Variants in DOCK2 observed in about 807,000 individuals in gnomAD.
DOCK2 encodes dedicator of cytokinesis protein 2.
DOCK2 carries 87 observed loss-of-function variants against 248.9 expected under a neutral mutation model. The observed-to-expected ratio is 0.35, with a 90% CI of 0.29 to 0.42. The LOEUF (loss-of-function observed/expected upper bound fraction) is 0.42. Ranked by LOEUF, DOCK2 falls within the 10% of genes least tolerant of loss-of-function variation. The probability of loss-of-function intolerance (pLI) is 1.00; values close to 1 mark genes in which losing one functional copy is unlikely to be tolerated. For missense variants in DOCK2, 1,747 were observed against 2,300.2 expected, an observed-to-expected ratio of 0.76 and a Z score of 4.92; for synonymous variants, 805 against 821.6, an observed-to-expected ratio of 0.98 and a Z score of 0.35.
intron 8 of DOCK2, among the ~76,000 whole-genome samples, chr5:169,687,157 G>A (rs917201612): frequency 9.2e-5 from 14 of 151,972 alleles, no homozygotes; most frequent in Admixed American, 7.2e-4. Context: ...TATGATGGAA[G>A]GTACTGGAAT....
At chr5:169,888,813 T>C (rs913156246) in intron 27 of DOCK2, among the ~76,000 whole-genome samples, 1 of 152,234 alleles carries the variant, frequency 6.6e-6, no homozygotes, top group Non-Finnish European at 1.5e-5. Context: ...AGAACCCAGC[T>C]GGTAGCCATG....
At chr5:169,914,136 G>T (rs902688405) in intron 27 of DOCK2, among the ~76,000 whole-genome samples, 21 of 152,218 alleles carry the variant, frequency 1.4e-4, no homozygotes, top group African/African-American at 5.1e-4. Context: ...TATACATCCT[G>T]AAGACAACCC....
chr5:169,864,199 G>T, intron 27 of DOCK2: 3 of 1,303,668 alleles, frequency 2.3e-6, no homozygotes, highest in South Asian at 2.5e-5. Context: ...AGCAGGGCAG[G>T]CCTTAAGTGC....
chr5:169,789,823 GA>G (rs1766216475), intron 25 of DOCK2, among the ~76,000 whole-genome samples: 1 of 152,200 alleles, frequency 6.6e-6, no homozygotes, highest in African/African-American at 2.4e-5. Flanking sequence ...TTTTAGAAAA[GA>G]AAACCAGGCC....
At chr5:169,885,099 C>T (rs1335677049) in intron 27 of DOCK2, among the ~76,000 whole-genome samples, 1 of 152,186 alleles carries the variant, frequency 6.6e-6, no homozygotes, top group African/African-American at 2.4e-5. Flanking sequence ...CTCAGGCAGC[C>T]TTTACAATGT....
intron 36 of DOCK2, among the ~76,000 whole-genome samples, chr5:170,037,310 G>A (rs888955955): frequency 6.6e-6 from 1 of 151,136 alleles, no homozygotes; most frequent in Non-Finnish European, 1.5e-5. Context: ...TTTATTCTTT[G>A]CTTTTTCTAA....
At chr5:170,040,164 A>G (rs539250047) in intron 36 of DOCK2, among the ~76,000 whole-genome samples, 9 of 152,322 alleles carry the variant, frequency 5.9e-5, no homozygotes, top group African/African-American at 2.2e-4. Flanking sequence ...GGCCCTTTAT[A>G]TGCCCAGTCA....
chr5:169,690,052 A>ATTT (rs530581976), intron 9 of DOCK2, among the ~76,000 whole-genome samples: 198 of 134,960 alleles, frequency 1.5e-3, no homozygotes, highest in African/African-American at 4.9e-3. Flanking sequence ...GAAGAGTGTG[A>ATTT]TTTTTTTTTT....
intron 2 of DOCK2, among the ~76,000 whole-genome samples, chr5:169,664,324 C>A (rs1438415036): frequency 2.0e-5 from 3 of 152,210 alleles, no homozygotes. Context: ...CAAAACCATT[C>A]AACAAGTCTC....
In DOCK2 at chr5:169,717,500, C is replaced by T. The variant is rs200849726; in HGVS notation, c.2132+16C>T. On this transcript the variant is annotated intron_variant, in intron 21 of 51. Transcript: ENST00000520908. ...TGGCTTACAAGTAAGTAATTGTGCACATGGGAACTTCTTCTCTACCACCCT... is the reference window on the plus strand; with the variant it reads ...TGGCTTACAAGTAAGTAATTGTGCATATGGGAACTTCTTCTCTACCACCCT... 9.9e-6 allele frequency: 16 copies of T among 1,610,878 alleles called. No individual in the cohort carries two copies. In the East Asian group the frequency reaches 3.6e-4, roughly 36 times the overall value.
chr5:169,669,696 A>G (rs1271637761), intron 3 of DOCK2, among the ~76,000 whole-genome samples: 1 of 152,170 alleles, frequency 6.6e-6, no homozygotes, highest in East Asian at 1.9e-4. Context: ...CCGTATACCC[A>G]GGTCAACACA....
chr5:169,646,648 T>A (rs1052789885), intron 1 of DOCK2, among the ~76,000 whole-genome samples: 1 of 152,062 alleles, frequency 6.6e-6, no homozygotes, highest in Admixed American at 6.6e-5. Context: ...GTAGCATAGG[T>A]CCCATTGAGA....
chr5:169,654,584 T>A, intron 2 of DOCK2, 98 bp downstream of exon 2: 1 of 1,247,338 alleles, frequency 8.0e-7, no homozygotes, highest in South Asian at 1.3e-5. Flanking sequence ...CCTGCAACTG[T>A]GTGGTCTATT....
chr5:169,688,272 G>A (rs1760097630), intron 8 of DOCK2, among the ~76,000 whole-genome samples: 1 of 152,246 alleles, frequency 6.6e-6, no homozygotes, highest in Admixed American at 6.5e-5. Context: ...CCTGCCTCGT[G>A]GCCTTTACTC....
At chr5:169,670,500 C>T (rs1407436861) in intron 3 of DOCK2, 42 bp from the exon 4 acceptor site, 1 of 1,575,386 alleles carries the variant, frequency 6.3e-7, no homozygotes, top group African/African-American at 1.5e-5. Flanking sequence ...GGTGATATAT[C>T]TTTTTATTTT....
At position 169,651,489 on chromosome 5, in the gene DOCK2, G is replaced by A. The variant is rs138952522; in HGVS notation, c.44-2914G>A. 2.9e-3 allele frequency among the ~76,000 whole-genome samples: 444 copies of A among 152,250 alleles called. 1 individual carries two copies. The highest frequency in any genetic ancestry group is 0.01 in the African/African-American group (426 of 41,536). ...AGGAGCTGGTCACGGAGTAACACAC[G>A]GTCCTGCCCCACCTCCACATATCTG... On this transcript the variant is annotated intron_variant, in intron 1 of 51. Coordinates refer to ENST00000520908, the MANE Select transcript of DOCK2 (RefSeq NM_004946.3).
intron 34 of DOCK2, among the ~76,000 whole-genome samples, chr5:170,030,650 T>C (rs951770206): frequency 6.6e-6 from 1 of 152,208 alleles, no homozygotes; most frequent in Non-Finnish European, 1.5e-5. Context: ...TTGAGTGTCA[T>C]GTTAGTGCTC....
At chr5:169,917,777 CCA>C (rs1473192898) in intron 27 of DOCK2, among the ~76,000 whole-genome samples, 3 of 152,104 alleles carry the variant, frequency 2.0e-5, no homozygotes, top group Non-Finnish European at 2.9e-5. Context: ...TCTGGCCCTA[CCA>C]CACAGAAAAT....
intron 26 of DOCK2, among the ~76,000 whole-genome samples, chr5:169,804,526 T>C (rs1767227760): frequency 6.7e-6 from 1 of 148,660 alleles, no homozygotes; most frequent in South Asian, 2.2e-4. Context: ...CAAGGAAGCC[T>C]ACACAAAGGA....
Sources: allele counts gnomAD v4.1 joint callset (sites outside exome capture counted in the v4.1 genomes callset), GRCh38; gene constraint gnomAD v4.1.1; transcripts MANE v1.5; gene names NCBI Gene and HGNC (gene_info 2026-07-23, HGNC 2026-07-21).